The following RBM19 variants were observed in gnomAD, a reference collection of about 807,000 sequenced individuals.
RBM19 encodes the protein probable RNA-binding protein 19.
A neutral mutation model predicts 116.8 loss-of-function variants in RBM19; 94 were observed. The ratio of observed to expected loss-of-function variants is 0.80; its 90% CI spans 0.68 to 0.95. The LOEUF (loss-of-function observed/expected upper bound fraction) is 0.95. RBM19 is among the 40% of genes least tolerant of loss of function. RBM19 has a pLI of 0.00. For synonymous variants in RBM19, 475 were observed against 494.1 expected, an observed-to-expected ratio of 0.96 and a Z score of 0.51; for missense variants, 1,161 against 1,220.7, an observed-to-expected ratio of 0.95 and a Z score of 0.73.
At chr12:113,925,641 G>A (rs867681990) in intron 17 of RBM19, among the ~76,000 whole-genome samples, 20 of 152,330 alleles carry the variant, frequency 1.3e-4, no homozygotes, top group African/African-American at 4.3e-4. Flanking sequence ...AGGGCCTCAA[G>A]TGGACTGTGT....
intron 6 of RBM19, among the ~76,000 whole-genome samples, chr12:113,956,759 G>A (rs1429169755): frequency 2.6e-5 from 4 of 152,052 alleles, no homozygotes; most frequent in African/African-American, 7.2e-5. Flanking sequence ...TTATGATCTC[G>A]ACTTCAGACC....
At chr12:113,934,015 A>G (rs61684037) in intron 16 of RBM19, among the ~76,000 whole-genome samples, 1 of 152,182 alleles carries the variant, frequency 6.6e-6, no homozygotes, top group Non-Finnish European at 1.5e-5. Context: ...GTAGTGGTGC[A>G]ATCTCGGCTC....
At chr12:113,896,011 GGA>G (rs762691184) in intron 21 of RBM19, among the ~76,000 whole-genome samples, 5 of 151,982 alleles carry the variant, frequency 3.3e-5, no homozygotes, top group Non-Finnish European at 7.4e-5. Context: ...GAGGAGAAAG[GGA>G]GAGAGAGCTC....
At chr12:113,829,309 C>A (rs1875161719) in intron 23 of RBM19, among the ~76,000 whole-genome samples, 1 of 152,232 alleles carries the variant, frequency 6.6e-6, no homozygotes, top group Non-Finnish European at 1.5e-5. Flanking sequence ...CACAGCGAGT[C>A]CTTCTAAGAA....
chr12:113,920,727 A>G (rs1358206183), intron 18 of RBM19, 37 bp from the exon 19 acceptor site: 4 of 1,588,052 alleles, frequency 2.5e-6, no homozygotes, highest in Non-Finnish European at 3.5e-6. Flanking sequence ...CAGTCGGTGA[A>G]GCGGAAGCAC....
rs779059269 is a variant in RBM19 at position 113,948,932 on chromosome 12, C to T, written c.1177G>A (p.Glu393Lys). Reference sequence around the variant, plus strand: ...GATTCGGCCAGGTCCTCCTCCTCTTCGTTCTCCCCGAGTATCCGGCCTTGC... The same window carrying T: ...GATTCGGCCAGGTCCTCCTCCTCTTTGTTCTCCCCGAGTATCCGGCCTTGC... Reference protein sequence around the residue: ...SWQGRILGENEEEEDLAESGR... With the variant: ...SWQGRILGENKEEEDLAESGR... The change falls in exon 10 of 24, where the codon GAA (glutamate) becomes AAA (lysine). Residue 393 changes from glutamate to lysine, a missense_variant. Coordinates refer to ENST00000261741, the MANE Select transcript of RBM19 (RefSeq NM_016196.4). The T allele has an allele frequency of 1.2e-5, 19 of 1,614,086 alleles. No homozygotes were observed. The highest frequency in any genetic ancestry group is 6.6e-5 in the South Asian group (6 of 91,092).
chr12:113,860,136 G>T (rs902143477), intron 21 of RBM19, among the ~76,000 whole-genome samples: 2 of 152,204 alleles, frequency 1.3e-5, no homozygotes, highest in Non-Finnish European at 1.5e-5. Flanking sequence ...AACGAGAAAC[G>T]GCAGAGAGGC....
At chr12:113,966,051 C>T in intron 1 of RBM19, 141 bp downstream of exon 1, 1 of 906,094 alleles carries the variant, frequency 1.1e-6, no homozygotes, top group Non-Finnish European at 1.8e-6. Context: ...AGCCCAGGAT[C>T]CCGCCCCCTT....
At chr12:113,833,482 G>A (rs1875614187) in intron 23 of RBM19, among the ~76,000 whole-genome samples, 1 of 152,174 alleles carries the variant, frequency 6.6e-6, no homozygotes, top group Admixed American at 6.5e-5. Context: ...AATACAAGCT[G>A]GGCTTCCTGC....
intron 23 of RBM19, among the ~76,000 whole-genome samples, chr12:113,842,983 T>C (rs1876630434): frequency 6.6e-6 from 1 of 152,162 alleles, no homozygotes; most frequent in Non-Finnish European, 1.5e-5. Context: ...CTGAAGCGTG[T>C]GGCAGCTGGG....
chr12:113,828,090 A>C, intron 23 of RBM19, among the ~76,000 whole-genome samples: 1 of 125,070 alleles, frequency 8.0e-6, no homozygotes, highest in African/African-American at 3.1e-5. Context: ...GCAGCTCTCG[A>C]CTCTGTCTCA....
chr12:113,825,371 C>T lies in RBM19; in HGVS notation c.2786-2050G>A, dbSNP rs1364172529. Among the ~76,000 whole-genome samples the T allele has an allele frequency of 5.9e-5, 9 of 152,280 alleles. No individual in the cohort carries two copies. The highest frequency in any genetic ancestry group is 3.4e-3 in the Middle Eastern group (1 of 294). The stretch of plus-strand genomic sequence containing the variant: ...TGGTGGGGGCTGGCGGCCCGGGGCT[C>T]GGACTCCGGCTTCCTCTCCTTCCTT... On this transcript the variant is annotated intron_variant, in intron 23 of 23. Transcript: ENST00000261741. The surrounding 1 kb of genome is among the most constrained non-coding windows in gnomAD (Gnocchi z 5.7).
At chr12:113,965,934 G>A (rs1360824670) in intron 1 of RBM19, among the ~76,000 whole-genome samples, 2 of 152,202 alleles carry the variant, frequency 1.3e-5, no homozygotes, top group Non-Finnish European at 2.9e-5. Flanking sequence ...CAAGGTGGGA[G>A]TTGTCATCTC....
rs1290508605 is a variant in RBM19 at position 113,937,106 on chromosome 12, C to G, written c.1969G>C (p.Ala657Pro). 17 of 1,613,912 alleles carry G rather than the reference C, an allele frequency of 1.1e-5. No homozygotes were observed. Among genetic ancestry groups the G allele is most frequent in the Non-Finnish European group, 1.4e-5 (16 of 1,179,964 alleles). The change falls in exon 16 of 24, where the codon GCT becomes CCT. Residue 657 changes from alanine (A) to proline (P), a missense_variant. Physicochemically the swap from Ala to Pro is conservative, Grantham distance 27. Coordinates refer to ENST00000261741, the MANE Select transcript of RBM19 (RefSeq NM_016196.4). ...GTGCTGGAGAAGACGCCAACTGGAG[C>G]CCACTCCAGATAGAGGGGGACATGA... ...FHHVPLYLEW[A>P]PVGVFSSTAP... is the part of the protein sequence containing the mutation.
chr12:113,891,612 G>A lies in RBM19; in HGVS notation c.2558+23357C>T, dbSNP rs578053925. ...ATAGTAAGTCTCTGAAAATTGCAGA[G>A]CGCACACCACATCCATCCAGGAGGC... is the stretch of plus-strand genomic sequence containing the variant. On this transcript the variant is annotated intron_variant, in intron 21 of 23. Coordinates refer to ENST00000261741, the MANE Select transcript of RBM19 (RefSeq NM_016196.4). Among the ~76,000 whole-genome samples, 9 of 152,296 alleles carry A rather than the reference G, an allele frequency of 5.9e-5. No individual in the cohort carries two copies. In the East Asian group the frequency reaches 1.7e-3, roughly 29 times the overall value.
intron 21 of RBM19, among the ~76,000 whole-genome samples, chr12:113,885,433 T>G (rs1001836289): frequency 2.0e-5 from 3 of 152,096 alleles, no homozygotes; most frequent in African/African-American, 7.2e-5. Context: ...TAAAGAGACA[T>G]GAAAATGGAA....
intron 17 of RBM19, among the ~76,000 whole-genome samples, chr12:113,925,876 A>G (rs368287784): frequency 6.6e-6 from 1 of 152,176 alleles, no homozygotes; most frequent in South Asian, 2.1e-4. Context: ...CTAACATTCA[A>G]ATCTATCTGA....
chr12:113,920,504 C>G (rs2135864537), intron 19 of RBM19, 107 bp downstream of exon 19: 1 of 1,029,144 alleles, frequency 9.7e-7, no homozygotes, highest in South Asian at 1.3e-5. Context: ...TGGGCCCGGT[C>G]AAGTGTAGAC....
intron 22 of RBM19, among the ~76,000 whole-genome samples, chr12:113,848,128 T>C (rs1165524238): frequency 6.6e-6 from 1 of 152,218 alleles, no homozygotes; most frequent in Non-Finnish European, 1.5e-5. Context: ...GTAGTGAGAA[T>C]TCAGAGAACT....
Sources: gnomAD v4.1 joint callset for allele counts (sites outside exome capture counted in the v4.1 genomes callset) on GRCh38, gnomAD v4.1.1 for gene constraint, Gnocchi (gnomAD v3.1) non-coding constraint, MANE v1.5 for transcripts, NCBI Gene and HGNC (gene_info 2026-07-23, HGNC 2026-07-21) for gene names.